GRIA4: variants seen among roughly 807,000 people sequenced by gnomAD.
The protein encoded by GRIA4 is glutamate ionotropic receptor AMPA type subunit 4, also known as glutamate receptor 4.
A neutral mutation model predicts 104.0 loss-of-function variants in GRIA4; 34 were observed. That is an observed-to-expected ratio of 0.33 (90% CI 0.25 to 0.44). The LOEUF (loss-of-function observed/expected upper bound fraction) is 0.44. Among genes scored for constraint, GRIA4 ranks in the 20% least tolerant of loss-of-function variants. The pLI is 1.00. For missense variants in GRIA4, 750 were observed against 1,096.5 expected, an observed-to-expected ratio of 0.68 and a Z score of 4.46; for synonymous variants, 386 against 381.9, an observed-to-expected ratio of 1.01 and a Z score of -0.13.
At chr11:105,897,008 C>A (rs941533941) in intron 6 of GRIA4, among the ~76,000 whole-genome samples, 11 of 152,112 alleles carry the variant, frequency 7.2e-5, no homozygotes, top group Admixed American at 7.2e-4. Flanking sequence ...GCAATGTAAT[C>A]ATTTTAATGA....
At chr11:105,959,522 T>C (rs1948680320) in intron 14 of GRIA4, among the ~76,000 whole-genome samples, 1 of 152,206 alleles carries the variant, frequency 6.6e-6, no homozygotes, top group Admixed American at 6.5e-5. Context: ...TCAAGGTTCT[T>C]AGCTTCTTTG....
chr11:105,620,098 C>G lies in GRIA4; in HGVS notation c.247+7664C>G, dbSNP rs550465921. ...CACCATTTACTTTTCCCTACCATCA[C>G]CACTCCTGGAACACTGTGTTCTTGA... On this transcript the variant is annotated intron_variant, in intron 3 of 16. Coordinates refer to ENST00000282499, the MANE Select transcript of GRIA4 (RefSeq NM_000829.4). Among the ~76,000 whole-genome samples, 7 of 151,990 alleles carry G rather than the reference C, an allele frequency of 4.6e-5. No individual in the cohort carries two copies. The East Asian group carries it at 1.4e-3, about 29-fold the overall frequency.
intron 3 of GRIA4, among the ~76,000 whole-genome samples, chr11:105,722,959 T>C (rs890030681): frequency 1.3e-5 from 2 of 152,176 alleles, no homozygotes; most frequent in African/African-American, 4.8e-5. Context: ...TTTTTTCTTT[T>C]AAATGATTTT....
intron 10 of GRIA4, chr11:105,913,201 A>T: frequency 2.7e-6 from 1 of 371,314 alleles, no homozygotes; most frequent in Non-Finnish European, 3.7e-6. Context: ...CCTGCACTCA[A>T]TGAAACTTAT....
intron 4 of GRIA4, among the ~76,000 whole-genome samples, chr11:105,822,537 C>G (rs1251475342): frequency 6.6e-6 from 1 of 152,058 alleles, no homozygotes; most frequent in African/African-American, 2.4e-5. Context: ...TGGTAGGGTG[C>G]TCAGGGAATG....
Position 105,975,090 on chromosome 11 carries a change from C to A in GRIA4, c.2544+646C>A, listed in dbSNP as rs532296011. ...AATTTGTTTTACATTAGCCATCATT[C>A]TACATTTTTAAAACATGAAATCCCA... On this transcript the variant is annotated intron_variant, in intron 16 of 16. Coordinates refer to ENST00000282499, the MANE Select transcript of GRIA4 (RefSeq NM_000829.4). 7.2e-5 allele frequency among the ~76,000 whole-genome samples: 11 copies of A among 152,262 alleles called. 1 individual carries two copies. The South Asian group carries it at 2.3e-3, about 32-fold the overall frequency.
At chr11:105,966,411 G>A (rs1174737044) in intron 14 of GRIA4, among the ~76,000 whole-genome samples, 2 of 151,758 alleles carry the variant, frequency 1.3e-5, no homozygotes, top group Admixed American at 6.6e-5. Flanking sequence ...CGGTAAGCCT[G>A]TCTTGTTTTT....
intron 5 of GRIA4, among the ~76,000 whole-genome samples, chr11:105,871,040 T>C (rs1172683514): frequency 6.6e-6 from 1 of 152,080 alleles, no homozygotes. Context: ...TAAATATTTA[T>C]TGAGTGCCTG....
intron 3 of GRIA4, among the ~76,000 whole-genome samples, chr11:105,647,656 A>C (rs1422998994): frequency 6.6e-6 from 1 of 152,168 alleles, no homozygotes; most frequent in Non-Finnish European, 1.5e-5. Context: ...ACATGGATGG[A>C]GCTGGAGGCC....
intron 4 of GRIA4, among the ~76,000 whole-genome samples, chr11:105,791,980 G>C (rs1942232578): frequency 6.6e-6 from 1 of 152,060 alleles, no homozygotes; most frequent in Non-Finnish European, 1.5e-5. Flanking sequence ...ATCTAGTGTT[G>C]ACTCAAATGA....
intron 4 of GRIA4, among the ~76,000 whole-genome samples, chr11:105,797,003 G>T (rs1038349327): frequency 1.3e-5 from 2 of 151,918 alleles, no homozygotes; most frequent in Non-Finnish European, 1.5e-5. Context: ...GGCCGAGGTG[G>T]GTGGATGGCT....
At chr11:105,727,192 A>G (rs773622971) in intron 3 of GRIA4, among the ~76,000 whole-genome samples, 31 of 152,094 alleles carry the variant, frequency 2.0e-4, no homozygotes, top group South Asian at 2.1e-4. Context: ...AAGAAGATAA[A>G]TGACCTGATG....
At chr11:105,844,842 A>G (rs1370684346) in intron 4 of GRIA4, among the ~76,000 whole-genome samples, 3 of 152,210 alleles carry the variant, frequency 2.0e-5, no homozygotes, top group African/African-American at 2.4e-5. Flanking sequence ...CTGTGCATCT[A>G]TATATAGAAA....
At chr11:105,802,282 A>G (rs1235844896) in intron 4 of GRIA4, among the ~76,000 whole-genome samples, 1 of 152,164 alleles carries the variant, frequency 6.6e-6, no homozygotes, top group African/African-American at 2.4e-5. Flanking sequence ...ACAGTGCTGG[A>G]CCAGGAGATG....
intron 4 of GRIA4, among the ~76,000 whole-genome samples, chr11:105,838,192 G>C (rs1393581893): frequency 1.3e-5 from 2 of 152,190 alleles, no homozygotes; most frequent in Non-Finnish European, 2.9e-5. Context: ...CTTTGTGTGA[G>C]TTAAAATAAT....
chr11:105,874,516 C>T (rs10895881), intron 5 of GRIA4, among the ~76,000 whole-genome samples: 40,819 of 151,980 alleles, frequency 0.27, 5,493 homozygotes, highest in Non-Finnish European at 0.29. Context: ...GGCGGTATGG[C>T]CATTTTCATG....
chr11:105,972,078 C>A, intron 15 of GRIA4, 50 bp downstream of exon 15: 2 of 1,102,658 alleles, frequency 1.8e-6, no homozygotes, highest in East Asian at 2.4e-5. Context: ...AAGCAGTAAA[C>A]GGGAGCAATT....
At chr11:105,636,758 C>T (rs141374074) in intron 3 of GRIA4, among the ~76,000 whole-genome samples, 178 of 152,270 alleles carry the variant, frequency 1.2e-3, no homozygotes, top group African/African-American at 4.1e-3. Context: ...AATCATAAAA[C>T]GATGGCATGG....
At chr11:105,631,200 T>C (rs1236168321) in intron 3 of GRIA4, among the ~76,000 whole-genome samples, 2 of 152,096 alleles carry the variant, frequency 1.3e-5, no homozygotes, top group African/African-American at 4.8e-5. Flanking sequence ...AAAATCTCAG[T>C]GCAATGTGAA....
Sources: gnomAD v4.1 joint callset for allele counts (sites outside exome capture counted in the v4.1 genomes callset) on GRCh38, gnomAD v4.1.1 for gene constraint, MANE v1.5 for transcripts, NCBI Gene and HGNC (gene_info 2026-07-23, HGNC 2026-07-21) for gene names.